RAB11FIP2: variants seen among roughly 807,000 people sequenced by gnomAD.
The protein encoded by RAB11FIP2 is rab11 family-interacting protein 2.
Under a neutral mutation model 40.9 loss-of-function variants are expected in RAB11FIP2, and 16 were observed. The observed-to-expected ratio is 0.39, with a 90% CI of 0.26 to 0.59. The LOEUF is 0.59. RAB11FIP2 is among the 20% of genes least tolerant of loss of function. The pLI, the probability that RAB11FIP2 is intolerant of heterozygous loss-of-function variation, is 0.53. For synonymous variants in RAB11FIP2, 228 were observed against 213.7 expected, an observed-to-expected ratio of 1.07 and a Z score of -0.58; for missense variants, 532 against 606.2, an observed-to-expected ratio of 0.88 and a Z score of 1.28.
rs954312355 is a variant in RAB11FIP2, at chr10:118,046,089, C to T, written c.75G>A (p.Leu25=). The change falls in exon 1 of 5, where the codon CTG becomes CTA. Residue 25 remains leucine (L), a synonymous_variant. Coordinates refer to ENST00000355624, the MANE Select transcript of RAB11FIP2 (RefSeq NM_014904.3). ...VQVTVLQAKD[L]KPKGKSGTND... is the part of the protein sequence containing the mutation. ...TGGTACCACTTTTGCCTTTTGGCTTCAGATCTTTGGCTTGGAGCACTGTGA... is the reference window on the plus strand; with the variant it reads ...TGGTACCACTTTTGCCTTTTGGCTTTAGATCTTTGGCTTGGAGCACTGTGA... 8 of 1,614,070 alleles carry T rather than the reference C, an allele frequency of 5.0e-6. No homozygotes were observed. Among genetic ancestry groups the T allele is most frequent in the Non-Finnish European group, 5.9e-6 (7 of 1,180,040 alleles).
chr10:118,021,730 G>A (rs1301103635), intron 3 of RAB11FIP2, among the ~76,000 whole-genome samples: 1 of 152,132 alleles, frequency 6.6e-6, no homozygotes, highest in Non-Finnish European at 1.5e-5. Context: ...TACCAAATGG[G>A]TGCTCCTTTT....
intron 3 of RAB11FIP2, among the ~76,000 whole-genome samples, chr10:118,017,223 T>C (rs1203407557): frequency 6.6e-6 from 1 of 152,178 alleles, no homozygotes; most frequent in Non-Finnish European, 1.5e-5. Context: ...ATTCCCTGTA[T>C]ACAGATTTAC....
chr10:118,029,231 C>G (rs939969858), intron 3 of RAB11FIP2, among the ~76,000 whole-genome samples: 5 of 152,132 alleles, frequency 3.3e-5, no homozygotes, highest in Admixed American at 2.6e-4. Context: ...CCAATACCCC[C>G]CTACCCAAAA....
rs1369886317 is a variant in RAB11FIP2 at position 118,007,042 on chromosome 10, A to AT, written c.*1955dup. ...TATTATAGTATCTGCAGATACTGTCATAATACTGAAAACATAGATTTTCAC... is the reference window on the plus strand; with the variant it reads ...TATTATAGTATCTGCAGATACTGTCATTAATACTGAAAACATAGATTTTCAC... On this transcript the variant is annotated 3_prime_UTR_variant, in exon 5 of 5. Transcript: ENST00000355624. 2.6e-5 allele frequency: 4 copies of AT among 152,558 alleles called. No individual in the cohort carries two copies. The East Asian group carries it at 7.7e-4, about 29-fold the overall frequency. The allele number at this position is 152,558 out of a possible 1,614,324, so 9.5% of individuals were successfully genotyped here.
intron 1 of RAB11FIP2, among the ~76,000 whole-genome samples, chr10:118,041,681 CTCAT>C: frequency 6.6e-6 from 1 of 152,104 alleles, no homozygotes; most frequent in Non-Finnish European, 1.5e-5. Flanking sequence ...AGTTCTTTCT[CTCAT>C]TGTTACCAAC....
rs1846478795 is a variant in RAB11FIP2 at position 118,036,159 on chromosome 10, A to G, written c.1265+2813T>C. 2.0e-5 allele frequency among the ~76,000 whole-genome samples: 3 copies of G among 152,154 alleles called. No homozygotes were observed. In the South Asian group the frequency reaches 6.2e-4, roughly 32 times the overall value. On this transcript the variant is annotated intron_variant, in intron 3 of 4. Transcript: ENST00000355624. ...TTTTAATAATATACATTATTCAACC[A>G]GAGGGTAACAATATGGTTCCTAGGT...
At chr10:118,032,764 C>T (rs527270154) in intron 3 of RAB11FIP2, among the ~76,000 whole-genome samples, 2 of 152,250 alleles carry the variant, frequency 1.3e-5, no homozygotes, top group South Asian at 4.1e-4. Context: ...AGCCTCATGA[C>T]ATGGTAGGCC....
chr10:118,009,299 C>A, intron 4 of RAB11FIP2, 74 bp from the exon 5 acceptor site: 1 of 1,378,710 alleles, frequency 7.3e-7, no homozygotes, highest in Non-Finnish European at 1.0e-6. Flanking sequence ...CCTGGAACTT[C>A]GACTTTTTGT....
rs772615369 is a variant in RAB11FIP2 at position 118,040,365 on chromosome 10, G to A, written c.554C>T (p.Ser185Phe). ...KNDGTFSDTS[S>F]AIIPSTHMPD... Reference sequence around the variant, plus strand: ...CATGTGAGTACTTGGAATGATTGCAGAAGACGTATCAGAAAATGTTCCATC... The same window carrying A: ...CATGTGAGTACTTGGAATGATTGCAAAAGACGTATCAGAAAATGTTCCATC... Residue 185 changes from serine to phenylalanine, a missense_variant, in exon 2 of 5, where the codon TCT (serine) becomes TTT (phenylalanine). Ser to Phe is a radical substitution (Grantham distance 155, BLOSUM62 -2). Coordinates refer to ENST00000355624, the MANE Select transcript of RAB11FIP2 (RefSeq NM_014904.3). 3.1e-6 allele frequency: 5 copies of A among 1,613,784 alleles called. No individual in the cohort carries two copies. The Admixed American group carries it at 8.3e-5, about 27-fold the overall frequency.
At chr10:118,025,461 G>C (rs1846331528) in intron 3 of RAB11FIP2, among the ~76,000 whole-genome samples, 2 of 152,096 alleles carry the variant, frequency 1.3e-5, no homozygotes, top group South Asian at 4.1e-4. Flanking sequence ...AGAAGTTTTT[G>C]TTCGGAATCT....
At chr10:118,034,433 A>G (rs896835251) in intron 3 of RAB11FIP2, among the ~76,000 whole-genome samples, 1 of 152,128 alleles carries the variant, frequency 6.6e-6, no homozygotes, top group Admixed American at 6.6e-5. Flanking sequence ...TTTAAGTGAA[A>G]AACAGCCTGG....
rs1204001377 is a variant in RAB11FIP2 at position 118,008,351 on chromosome 10, T to C, written c.*647A>G. 6.6e-6 allele frequency: 1 copy of C among 152,640 alleles called. No individual in the cohort carries two copies. The highest frequency in any genetic ancestry group is 2.4e-5 in the African/African-American group (1 of 41,412). 9.5% of individuals were successfully genotyped at this position (152,640 alleles called of 1,614,324 possible). A position where few individuals can be genotyped will look rare whatever the true frequency, so the allele number is the denominator to read the frequency against. ...GAAGCAGCTTCTCTATAACAAACCATGACAGTAGGAAGGATGACTTGTCTT... is the reference window on the plus strand; with the variant it reads ...GAAGCAGCTTCTCTATAACAAACCACGACAGTAGGAAGGATGACTTGTCTT... On this transcript the variant is annotated 3_prime_UTR_variant, in exon 5 of 5. Transcript: ENST00000355624.
chr10:118,010,948 C>T (rs1846147315), intron 4 of RAB11FIP2, among the ~76,000 whole-genome samples: 1 of 151,628 alleles, frequency 6.6e-6, no homozygotes, highest in Non-Finnish European at 1.5e-5. Flanking sequence ...AAATAGACCA[C>T]CAAGAATGCT....
At chr10:118,035,269 C>T (rs2928117) in intron 3 of RAB11FIP2, among the ~76,000 whole-genome samples, 11,343 of 152,160 alleles carry the variant, frequency 0.075, 768 homozygotes, top group East Asian at 0.41. Flanking sequence ...CTGTGATAAG[C>T]CACTGATACC....
At chr10:118,011,443 A>G in intron 4 of RAB11FIP2, among the ~76,000 whole-genome samples, 1 of 152,010 alleles carries the variant, frequency 6.6e-6, no homozygotes, top group Non-Finnish European at 1.5e-5. Context: ...AATTGGTCAT[A>G]ATATATAGTT....
Position 118,008,944 on chromosome 10 carries a change from CCTT to C in RAB11FIP2, c.*51_*53del. On this transcript the variant is annotated 3_prime_UTR_variant, in exon 5 of 5. Transcript: ENST00000355624. ...TTCAGTAACAAGTTTTTCCTTCCTTCCTTCTTTCTTTCTCTCTCTTTGTCCAAT... is the reference window on the plus strand; with the variant it reads ...TTCAGTAACAAGTTTTTCCTTCCTTCCTTTCTTTCTCTCTCTTTGTCCAAT... 7.0e-7 allele frequency: 1 copy of C among 1,432,290 alleles called. No individual in the cohort carries two copies. Among genetic ancestry groups the C allele is most frequent in the Non-Finnish European group, 9.7e-7 (1 of 1,027,528 alleles). 88.7% of individuals were successfully genotyped at this position (1,432,290 alleles called of 1,614,324 possible). A position where few individuals can be genotyped will look rare whatever the true frequency, so the allele number is the denominator to read the frequency against.
At chr10:118,021,104 G>A (rs1048669127) in intron 3 of RAB11FIP2, among the ~76,000 whole-genome samples, 7 of 151,580 alleles carry the variant, frequency 4.6e-5, no homozygotes, top group African/African-American at 1.5e-4. Flanking sequence ...ACAAACTCCT[G>A]GCCTTCATTT....
At chr10:118,032,987 T>C (rs1302832835) in intron 3 of RAB11FIP2, among the ~76,000 whole-genome samples, 4 of 152,104 alleles carry the variant, frequency 2.6e-5, no homozygotes, top group Non-Finnish European at 5.9e-5. Flanking sequence ...TGCTGGCATA[T>C]TGTTGTAATT....
chr10:118,022,334 T>C (rs1846291670), intron 3 of RAB11FIP2, among the ~76,000 whole-genome samples: 1 of 152,158 alleles, frequency 6.6e-6, no homozygotes, highest in African/African-American at 2.4e-5. Flanking sequence ...CCTTGTCCAA[T>C]CCAGCCTATG....
Sources: gnomAD v4.1 joint callset for allele counts (sites outside exome capture counted in the v4.1 genomes callset) on GRCh38, gnomAD v4.1.1 for gene constraint, MANE v1.5 for transcripts, NCBI Gene and HGNC (gene_info 2026-07-23, HGNC 2026-07-21) for gene names.